The following MEI4 variants were observed in gnomAD, a reference collection of about 807,000 sequenced individuals.
MEI4 encodes the protein meiosis-specific protein MEI4.
In MEI4, 27 loss-of-function variants were observed where a neutral mutation model predicts 31.4. The observed-to-expected ratio is 0.86, with a 90% CI of 0.63 to 1.19. The LOEUF (loss-of-function observed/expected upper bound fraction) is 1.19. Ranked by LOEUF, MEI4 falls within the 50% of genes most tolerant of loss-of-function variation. The probability of loss-of-function intolerance (pLI) is 0.00; values close to 1 mark genes in which losing one functional copy is unlikely to be tolerated. For missense variants in MEI4, 329 were observed against 398.9 expected (o/e 0.82, Z 1.49); for synonymous variants, 122 against 145.4 (o/e 0.84, Z 1.16).
rs574506474 is a variant in MEI4, at chr6:77,743,304, T to TG, written c.233-17824dup. Among the ~76,000 whole-genome samples the TG allele has an allele frequency of 7.0e-3, 1,059 of 152,264 alleles. 13 individuals carry two copies. The highest frequency in any genetic ancestry group is 0.024 in the African/African-American group (999 of 41,536). ...TATCCTCTTTTATTTCCTTGAGCAGTGGTTTGTAGTTCTCCTTGAAGAGGT... is the reference window on the plus strand; with the variant it reads ...TATCCTCTTTTATTTCCTTGAGCAGTGGGTTTGTAGTTCTCCTTGAAGAGGT... On this transcript the variant is annotated intron_variant, in intron 2 of 4. Coordinates refer to ENST00000684080, the MANE Select transcript of MEI4 (RefSeq NM_001322247.2).
At chr6:77,810,587 G>T in intron 3 of MEI4, among the ~76,000 whole-genome samples, 1 of 152,228 alleles carries the variant, frequency 6.6e-6, no homozygotes, top group African/African-American at 2.4e-5. Context: ...GTTAAACTTA[G>T]AATTCCTAGG....
At chr6:77,686,678 C>A (rs867664269) in intron 1 of MEI4, among the ~76,000 whole-genome samples, 1 of 152,006 alleles carries the variant, frequency 6.6e-6, no homozygotes, top group African/African-American at 2.4e-5. Context: ...AGTTATAATT[C>A]TATAAATCAT....
rs1026246852 is a variant in MEI4, at chr6:77,900,978, C to T, written c.901-22111C>T. ...GTCATGTGGTATTTGTCTTTTTGTG[C>T]CTGGATAATTTAACTTAACATAATG... is the stretch of plus-strand genomic sequence containing the variant. On this transcript the variant is annotated intron_variant, in intron 4 of 4. Transcript: ENST00000684080. 3.3e-5 allele frequency among the ~76,000 whole-genome samples: 5 copies of T among 151,794 alleles called. No homozygotes were observed. In the East Asian group the frequency reaches 5.8e-4, roughly 18 times the overall value.
intron 3 of MEI4, among the ~76,000 whole-genome samples, chr6:77,772,210 T>G (rs1284750904): frequency 4.0e-5 from 6 of 150,698 alleles, no homozygotes; most frequent in African/African-American, 1.2e-4. Context: ...AAACTCATTC[T>G]AAATGGCCAA....
In MEI4 at chr6:77,673,485, C is replaced by G. The variant is rs192971408; in HGVS notation, c.-14-17173C>G. Among the ~76,000 whole-genome samples, 16 of 152,158 alleles carry G rather than the reference C, an allele frequency of 1.1e-4. No homozygotes were observed. The East Asian group carries it at 3.1e-3, about 29-fold the overall frequency. ...GAGCTAGATTCAGCCTGCAGGCCCT[C>G]TCTTCTGAAGGCTAGGGCTTAGTTT... On this transcript the variant is annotated intron_variant, in intron 1 of 4. Transcript: ENST00000684080.
rs139135454 is a variant in MEI4, at chr6:77,657,706, C to G, written c.-15+4614C>G. Among the ~76,000 whole-genome samples the G allele has an allele frequency of 2.6e-5, 4 of 152,236 alleles. No homozygotes were observed. The East Asian group carries it at 7.7e-4, about 29-fold the overall frequency. On this transcript the variant is annotated intron_variant, in intron 1 of 4. Transcript: ENST00000684080. ...ACTTTCAAGACCCCAACTTCCCTAC[C>G]CTATTTTCTTTTATTCCCTAATACC...
At chr6:77,854,182 T>C (rs1057508934) in intron 4 of MEI4, among the ~76,000 whole-genome samples, 3 of 152,150 alleles carry the variant, frequency 2.0e-5, no homozygotes, top group Admixed American at 6.5e-5. Context: ...ATTTACTCTA[T>C]TCATGACTCG....
At chr6:77,787,492 G>T (rs1320184583) in intron 3 of MEI4, among the ~76,000 whole-genome samples, 1 of 152,100 alleles carries the variant, frequency 6.6e-6, no homozygotes, top group Non-Finnish European at 1.5e-5. Context: ...ATGTGATCTG[G>T]CTCCAACACC....
At chr6:77,860,538 A>G (rs1328964794) in intron 4 of MEI4, among the ~76,000 whole-genome samples, 2 of 152,186 alleles carry the variant, frequency 1.3e-5, no homozygotes, top group African/African-American at 4.8e-5. Context: ...TACATTTCTT[A>G]TTCCAAGCTC....
At chr6:77,835,373 A>ACACACACACACAC (rs1770189280) in intron 4 of MEI4, among the ~76,000 whole-genome samples, 6 of 96,804 alleles carry the variant, frequency 6.2e-5, no homozygotes, top group African/African-American at 2.1e-4. Flanking sequence ...AACAAAACAA[A>ACACACACACACAC]ACACACACAC....
At chr6:77,711,413 T>G (rs1766464273) in intron 2 of MEI4, among the ~76,000 whole-genome samples, 1 of 152,216 alleles carries the variant, frequency 6.6e-6, no homozygotes, top group South Asian at 2.1e-4. Context: ...ATAATTTTTA[T>G]TTGTCACTGG....
At chr6:77,800,011 G>GT (rs1455273450) in intron 3 of MEI4, among the ~76,000 whole-genome samples, 17 of 152,220 alleles carry the variant, frequency 1.1e-4, no homozygotes, top group South Asian at 4.1e-4. Context: ...CTTTAAAGTA[G>GT]TTTTTTCCAA....
At chr6:77,893,751 A>C (rs1766020152) in intron 4 of MEI4, among the ~76,000 whole-genome samples, 1 of 152,206 alleles carries the variant, frequency 6.6e-6, no homozygotes, top group South Asian at 2.1e-4. Context: ...CACTAATGCA[A>C]GAAAGCTTTT....
chr6:77,796,464 T>C (rs1457415314), intron 3 of MEI4, among the ~76,000 whole-genome samples: 1 of 152,102 alleles, frequency 6.6e-6, no homozygotes, highest in Non-Finnish European at 1.5e-5. Context: ...TAGAACACCC[T>C]AAAAATGCCA....
intron 4 of MEI4, among the ~76,000 whole-genome samples, chr6:77,868,357 G>A (rs1771103908): frequency 6.6e-6 from 1 of 150,728 alleles, no homozygotes; most frequent in Non-Finnish European, 1.5e-5. Flanking sequence ...AATTATGCAA[G>A]TAAATATGGT....
intron 4 of MEI4, among the ~76,000 whole-genome samples, chr6:77,885,188 T>C (rs1337357490): frequency 6.6e-6 from 1 of 151,932 alleles, no homozygotes; most frequent in East Asian, 1.9e-4. Context: ...TGACTCTTTT[T>C]TTTTTTTTTA....
At chr6:77,707,368 G>A (rs1766356252) in intron 2 of MEI4, among the ~76,000 whole-genome samples, 1 of 152,198 alleles carries the variant, frequency 6.6e-6, no homozygotes, top group Non-Finnish European at 1.5e-5. Flanking sequence ...CATTCAAGAT[G>A]TGCTGTGGCT....
At chr6:77,771,583 T>C (rs889403198) in intron 3 of MEI4, among the ~76,000 whole-genome samples, 2 of 152,164 alleles carry the variant, frequency 1.3e-5, no homozygotes, top group African/African-American at 2.4e-5. Context: ...ATGGTACATA[T>C]ACACTGTGGA....
At chr6:77,658,147 A>T (rs1768431972) in intron 1 of MEI4, among the ~76,000 whole-genome samples, 1 of 152,144 alleles carries the variant, frequency 6.6e-6, no homozygotes, top group Admixed American at 6.5e-5. Context: ...GATTATCGTT[A>T]GTTCTTATAG....
Sources: gnomAD v4.1 joint callset for allele counts (sites outside exome capture counted in the v4.1 genomes callset) on GRCh38, gnomAD v4.1.1 for gene constraint, MANE v1.5 for transcripts, NCBI Gene and HGNC (gene_info 2026-07-23, HGNC 2026-07-21) for gene names.